The following TEDC1 variants were observed in gnomAD, a reference collection of about 807,000 sequenced individuals.
TEDC1 encodes tubulin epsilon and delta complex 1.
A neutral mutation model predicts 59.9 loss-of-function variants in TEDC1; 54 were observed. The ratio of observed to expected loss-of-function variants is 0.90; its 90% CI spans 0.72 to 1.13. TEDC1 has a LOEUF of 1.13. Among genes scored for constraint, TEDC1 ranks in the 50% most tolerant of loss-of-function variants. TEDC1 has a pLI of 0.00. For missense variants in TEDC1, 734 were observed against 683.4 expected (o/e 1.07, Z -0.83); for synonymous variants, 353 against 298.1 (o/e 1.18, Z -1.90).
chr14:105,494,358 G>A, intron 5 of TEDC1: 1 of 237,002 alleles, frequency 4.2e-6, no homozygotes, highest in Non-Finnish European at 8.5e-6. Context: ...GTTGGGCACA[G>A]GGCTGACTGT....
At position 105,493,996 on chromosome 14, in the gene TEDC1, GC is replaced by G. The variant is rs1258114603; in HGVS notation, c.684+66del. The G allele has an allele frequency of 4.6e-4, 112 of 244,992 alleles. 1 individual carries two copies. The highest frequency in any genetic ancestry group is 3.2e-3 in the African/African-American group (104 of 32,558). 15.2% of individuals were successfully genotyped at this position (244,992 alleles called of 1,614,324 possible). On this transcript the variant is annotated intron_variant, in intron 5 of 8. Transcript: ENST00000392523. ...GGCTGGGGGGCACAGCAGGGGGACTGCCCAGGGTGGGAGGGGCCTGGGGGCG... is the reference window on the plus strand; with the variant it reads ...GGCTGGGGGGCACAGCAGGGGGACTGCCAGGGTGGGAGGGGCCTGGGGGCG...
rs370136039 is a variant in TEDC1 at position 105,498,490 on chromosome 14, C to G, written c.1159-127C>G. 5.6e-4 allele frequency: 591 copies of G among 1,061,670 alleles called. 8 individuals are homozygous for G. In the South Asian group the frequency reaches 8.6e-3, roughly 15 times the overall value. 65.8% of individuals were successfully genotyped at this position (1,061,670 alleles called of 1,614,324 possible). ...CCCTTAAAATTTTCAGTAAGCCTCT[C>G]TGAAGAGCATGGGCGTTTCCCGCAT... On this transcript the variant is annotated intron_variant, in intron 8 of 8. Transcript: ENST00000392523.
chr14:105,498,114 C>G, intron 8 of TEDC1, 137 bp downstream of exon 8: 2 of 1,132,492 alleles, frequency 1.8e-6, no homozygotes, highest in Non-Finnish European at 2.4e-6. Context: ...AGGCACGTAC[C>G]CTGAGGGAGC....
chr14:105,491,865 CT>C (rs1423427495), intron 2 of TEDC1, among the ~76,000 whole-genome samples, 165 bp downstream of exon 2: 11 of 152,314 alleles, frequency 7.2e-5, no homozygotes, highest in South Asian at 2.1e-4. Context: ...GCCACGCCCC[CT>C]GATGGGCCCT....
chr14:105,491,073 C>T, upstream of TEDC1: 1 of 1,551,342 alleles, frequency 6.4e-7, no homozygotes, highest in Non-Finnish European at 8.7e-7. Flanking sequence ...GACACGAAGG[C>T]GGGACCCTGC....
chr14:105,494,092 A>G (rs782743629), intron 5 of TEDC1, 159 bp downstream of exon 5: 53 of 639,748 alleles, frequency 8.3e-5, no homozygotes, highest in South Asian at 3.3e-4. Flanking sequence ...AGCCTGGGTG[A>G]CAGACAGCTT....
At chr14:105,492,508 C>T (rs79585924) in intron 3 of TEDC1, 71 bp from the exon 4 acceptor site, 202 of 1,499,514 alleles carry the variant, frequency 1.3e-4, no homozygotes, top group South Asian at 2.8e-4. Flanking sequence ...CCTCCACTAC[C>T]GTCTCCATCC....
At chr14:105,496,742 A>AG (rs782159155) in intron 6 of TEDC1, 1 of 159,062 alleles carries the variant, frequency 6.3e-6, no homozygotes, top group Non-Finnish European at 1.4e-5. Context: ...GCCATGGGGC[A>AG]GGCAGGGCGG....
At chr14:105,498,182 G>A (rs1407238962) in intron 8 of TEDC1, among the ~76,000 whole-genome samples, 4 of 152,236 alleles carry the variant, frequency 2.6e-5, no homozygotes, top group African/African-American at 7.2e-5. Context: ...CCCCTCCTGC[G>A]GGAGGTCTGT....
rs782625454 is a variant in TEDC1 at position 105,493,960 on chromosome 14, G to A, written c.684+27G>A. On this transcript the variant is annotated intron_variant, in intron 5 of 8. Coordinates refer to ENST00000392523, the MANE Select transcript of TEDC1 (RefSeq NM_001367178.1). ...TGAGGGCGGGCAAGCTGCTGCGGGG[G>A]GGTGGGGGTGGGCTGGGGGGCACAG... 2.7e-5 allele frequency: 23 copies of A among 843,500 alleles called. No individual in the cohort carries two copies. In the African/African-American group the frequency reaches 3.0e-4, roughly 11 times the overall value. 52.3% of individuals were successfully genotyped at this position (843,500 alleles called of 1,614,324 possible).
intron 4 of TEDC1, among the ~76,000 whole-genome samples, chr14:105,493,223 G>A (rs782798233): frequency 1.3e-5 from 2 of 152,166 alleles, no homozygotes; most frequent in Non-Finnish European, 2.9e-5. Flanking sequence ...TGAGGCCAGC[G>A]CTGACAGGTG....
At chr14:105,495,791 G>A (rs2084331055) in intron 5 of TEDC1, 89 bp from the exon 6 acceptor site, 1 of 1,090,602 alleles carries the variant, frequency 9.2e-7, no homozygotes, top group South Asian at 1.6e-5. Context: ...GTGGGCTGGG[G>A]GGGCCTGGAA....
chr14:105,496,222 G>A lies in TEDC1; in HGVS notation c.891+136G>A, dbSNP rs587651388. On this transcript the variant is annotated intron_variant, in intron 6 of 8. Transcript: ENST00000392523. ...GGCCCTTACCTTCTTGGGAACTGTG[G>A]TGATTGCCTTCTGTCAGGTGTGTTG... 2,076 of 845,294 alleles carry A rather than the reference G, an allele frequency of 2.5e-3. 5 individuals are homozygous for A. The highest frequency in any genetic ancestry group is 3.2e-3 in the Non-Finnish European group (1,806 of 559,004). The allele number at this position is 845,294 out of a possible 1,614,324, so 52.4% of individuals were successfully genotyped here.
intron 2 of TEDC1, among the ~76,000 whole-genome samples, 175 bp downstream of exon 2, chr14:105,491,875 C>G (rs1238095197): frequency 6.6e-6 from 1 of 152,250 alleles, no homozygotes; most frequent in East Asian, 1.9e-4. Context: ...CTGATGGGCC[C>G]TAGCTCCACC....
chr14:105,498,597 T>C lies in TEDC1; in HGVS notation c.1159-20T>C, dbSNP rs1297707958. Reference sequence around the variant, plus strand: ...CAGTGTCCTGGGGGGACAGAGCCATTGCCATTGTGTCCCACGCAGGCTGGA... The same window carrying C: ...CAGTGTCCTGGGGGGACAGAGCCATCGCCATTGTGTCCCACGCAGGCTGGA... On this transcript the variant is annotated intron_variant, in intron 8 of 8. Transcript: ENST00000392523. The C allele has an allele frequency of 1.3e-6, 2 of 1,517,054 alleles. No homozygotes were observed. The highest frequency in any genetic ancestry group is 2.5e-5 in the East Asian group (1 of 40,708). 94.0% of individuals were successfully genotyped at this position (1,517,054 alleles called of 1,614,324 possible).
intron 3 of TEDC1, 82 bp downstream of exon 3, chr14:105,492,391 CTCTG>C (rs2084236157): frequency 1.3e-6 from 2 of 1,555,762 alleles, no homozygotes; most frequent in Non-Finnish European, 8.7e-7. Context: ...GGTCAGCCCC[CTCTG>C]TCTGCTTTGC....
intron 5 of TEDC1, 124 bp downstream of exon 5, chr14:105,494,057 T>G: frequency 2.7e-6 from 2 of 743,886 alleles, no homozygotes; most frequent in Non-Finnish European, 4.5e-6. Flanking sequence ...TGGGTGTCTC[T>G]GCATGTCTGC....
In TEDC1 at chr14:105,497,229, A is replaced by G. The variant is rs1446001388; in HGVS notation, c.892-128A>G. ...CAGAGAACCTGGGCGCAGGCAGGGG[A>G]GGGCTGCAGGGGCGGGGCGTGAGCT... On this transcript the variant is annotated intron_variant, in intron 6 of 8. Coordinates refer to ENST00000392523, the MANE Select transcript of TEDC1 (RefSeq NM_001367178.1). The G allele has an allele frequency of 1.4e-4, 128 of 893,112 alleles. No homozygotes were observed. The East Asian group carries it at 3.1e-3, about 22-fold the overall frequency. The allele number at this position is 893,112 out of a possible 1,614,324, so 55.3% of individuals were successfully genotyped here.
At position 105,491,401 on chromosome 14, in the gene TEDC1, A is replaced by T. The variant is rs1299035556; in HGVS notation, c.26A>T (p.Asp9Val). The T allele has an allele frequency of 1.4e-6, 2 of 1,416,694 alleles. No individual in the cohort carries two copies. Among genetic ancestry groups the T allele is most frequent in the African/African-American group, 3.0e-5 (2 of 66,186 alleles). The allele number at this position is 1,416,694 out of a possible 1,614,324, so 87.8% of individuals were successfully genotyped here. The part of the protein sequence containing the change: MGRRRQRV[D>V]PAAGARAGAL... ...ATGGGGAGGCGGCGGCAGCGGGTGG[A>T]CCCCGCGGCTGGGGCCCGGGCCGGG... is the stretch of plus-strand genomic sequence containing the variant. The change falls in exon 1 of 9, where the codon GAC (aspartate) becomes GTC (valine). Residue 9 changes from aspartate (D) to valine (V), a missense_variant. Coordinates refer to ENST00000392523, the MANE Select transcript of TEDC1 (RefSeq NM_001367178.1).
Sources: gnomAD v4.1 joint callset for allele counts (sites outside exome capture counted in the v4.1 genomes callset) on GRCh38, gnomAD v4.1.1 for gene constraint, MANE v1.5 for transcripts, NCBI Gene and HGNC (gene_info 2026-07-23, HGNC 2026-07-21) for gene names.